Variants in IGF2BP2 observed in about 807,000 individuals in gnomAD.
IGF2BP2 encodes the protein insulin-like growth factor 2 mRNA-binding protein 2.
In IGF2BP2, 17 loss-of-function variants were observed where a neutral mutation model predicts 75.8. The observed-to-expected ratio is 0.22, with a 90% confidence interval of 0.15 to 0.34. IGF2BP2 has a LOEUF of 0.34. Ranked by LOEUF, IGF2BP2 falls within the 10% of genes least tolerant of loss-of-function variation. The pLI is 1.00. For missense variants in IGF2BP2, 516 were observed against 772.4 expected, an observed-to-expected ratio of 0.67 and a Z score of 3.93; for synonymous variants, 288 against 295.6, an observed-to-expected ratio of 0.97 and a Z score of 0.26.
At chr3:185,784,651 C>T (rs1049859116) in intron 2 of IGF2BP2, among the ~76,000 whole-genome samples, 8 of 152,332 alleles carry the variant, frequency 5.3e-5, no homozygotes, top group East Asian at 3.9e-4. Flanking sequence ...AACCCTGCAA[C>T]GGCAGCAAAA....
chr3:185,797,511 A>C (rs926108872), intron 2 of IGF2BP2, among the ~76,000 whole-genome samples: 1 of 152,254 alleles, frequency 6.6e-6, no homozygotes, highest in Non-Finnish European at 1.5e-5. Context: ...AGTTAAGAGC[A>C]GAGTTTGCTG....
intron 2 of IGF2BP2, among the ~76,000 whole-genome samples, chr3:185,748,702 A>G (rs1730580071): frequency 6.6e-6 from 1 of 152,244 alleles, no homozygotes; most frequent in African/African-American, 2.4e-5. Context: ...CTGTCCCCAC[A>G]GCATTCAAAA....
At chr3:185,665,932 A>G (rs1314097167) in intron 10 of IGF2BP2, among the ~76,000 whole-genome samples, 1 of 152,150 alleles carries the variant, frequency 6.6e-6, no homozygotes, top group Admixed American at 6.5e-5. Flanking sequence ...GCACCAGTGC[A>G]CTTTAGCCTG....
At position 185,750,267 on chromosome 3, in the gene IGF2BP2, T is replaced by C. The variant is rs764038823; in HGVS notation, c.240-51920A>G. 1.6e-4 allele frequency among the ~76,000 whole-genome samples: 24 copies of C among 152,172 alleles called. 1 individual carries two copies. The highest frequency in any genetic ancestry group is 3.4e-4 in the Non-Finnish European group (23 of 68,012). ...CCCTCCAAGGCACTGGAAAGCCGCA[T>C]TGTGAAAGGATCCTTCAGGAAATGC... is the stretch of plus-strand genomic sequence containing the variant. On this transcript the variant is annotated intron_variant, in intron 2 of 15. Coordinates refer to ENST00000382199, the MANE Select transcript of IGF2BP2 (RefSeq NM_006548.6).
At chr3:185,713,280 G>A in intron 2 of IGF2BP2, 1 of 380,900 alleles carries the variant, frequency 2.6e-6, no homozygotes, top group East Asian at 7.2e-5. Context: ...GTAATATAGG[G>A]ATACTCCACT....
chr3:185,719,322 G>A (rs1247215910), intron 2 of IGF2BP2, among the ~76,000 whole-genome samples: 1 of 152,224 alleles, frequency 6.6e-6, no homozygotes, highest in African/African-American at 2.4e-5. Context: ...TTGATGAACA[G>A]TAGTATGAAA....
chr3:185,741,759 A>G (rs1729583695), intron 2 of IGF2BP2, among the ~76,000 whole-genome samples: 1 of 152,246 alleles, frequency 6.6e-6, no homozygotes, highest in Non-Finnish European at 1.5e-5. Context: ...TAGACCCACC[A>G]TGAGTGGGAG....
chr3:185,818,510 G>C (rs1008452149), intron 2 of IGF2BP2, among the ~76,000 whole-genome samples: 1 of 152,168 alleles, frequency 6.6e-6, no homozygotes, highest in African/African-American at 2.4e-5. Flanking sequence ...CAGAGCAACT[G>C]TTGTTCAATT....
At chr3:185,692,608 T>A in intron 5 of IGF2BP2, 91 bp downstream of exon 5, 1 of 1,203,864 alleles carries the variant, frequency 8.3e-7, no homozygotes, top group Non-Finnish European at 1.2e-6. Context: ...GATCTGCATC[T>A]TTTTAGAAAA....
intron 2 of IGF2BP2, among the ~76,000 whole-genome samples, chr3:185,766,226 A>G (rs993123469): frequency 2.0e-5 from 3 of 152,250 alleles, no homozygotes; most frequent in Non-Finnish European, 4.4e-5. Flanking sequence ...AAAACTATTT[A>G]GACAATATCA....
chr3:185,646,229 G>A (rs951249345), intron 15 of IGF2BP2, among the ~76,000 whole-genome samples: 1 of 152,294 alleles, frequency 6.6e-6, no homozygotes, highest in South Asian at 2.1e-4. Context: ...GACTCTGACT[G>A]CAGAAGACTC....
intron 2 of IGF2BP2, among the ~76,000 whole-genome samples, chr3:185,819,089 T>TAATATTTGTAGAGA (rs1254027516): frequency 6.6e-6 from 1 of 152,140 alleles, no homozygotes; most frequent in African/African-American, 2.4e-5. Context: ...TAATATCCTC[T>TAATATTTGTAGAGA]CATCTTCTGT....
At chr3:185,703,974 A>C (rs1723662743) in intron 2 of IGF2BP2, among the ~76,000 whole-genome samples, 8 of 152,144 alleles carry the variant, frequency 5.3e-5, no homozygotes. Flanking sequence ...AGCTTGTAGG[A>C]TTCCAGCTTC....
chr3:185,673,837 G>A (rs1473054990), intron 9 of IGF2BP2, among the ~76,000 whole-genome samples: 1 of 152,224 alleles, frequency 6.6e-6, no homozygotes, highest in Non-Finnish European at 1.5e-5. Context: ...ATGAACCTAA[G>A]TGGTAAGCTC....
intron 10 of IGF2BP2, among the ~76,000 whole-genome samples, chr3:185,668,698 G>A (rs1007387725): frequency 2.0e-5 from 3 of 151,524 alleles, no homozygotes; most frequent in Admixed American, 6.6e-5. Flanking sequence ...AATATCTGTT[G>A]AAAATATTTA....
intron 2 of IGF2BP2, among the ~76,000 whole-genome samples, chr3:185,822,529 G>C (rs991956395): frequency 1.3e-5 from 2 of 152,030 alleles, no homozygotes; most frequent in South Asian, 4.1e-4. Flanking sequence ...TTTCACAAGG[G>C]TATTTATTTT....
chr3:185,759,575 A>G (rs2149685330), intron 2 of IGF2BP2, among the ~76,000 whole-genome samples: 1 of 152,342 alleles, frequency 6.6e-6, no homozygotes, highest in South Asian at 2.1e-4. Flanking sequence ...CCTTTCTGTT[A>G]AGAGTGGCAA....
intron 8 of IGF2BP2, 101 bp downstream of exon 8, chr3:185,675,690 T>TC: frequency 1.4e-6 from 2 of 1,407,792 alleles, no homozygotes; most frequent in Non-Finnish European, 9.7e-7. Context: ...TCACTTATGA[T>TC]TATATTCCCA....
chr3:185,677,025 A>ATATATATATATAT lies in IGF2BP2; in HGVS notation c.813-1113_813-1112insATATATATATATA, dbSNP rs1223557818. Among the ~76,000 whole-genome samples the ATATATATATATAT allele has an allele frequency of 1.3e-4, 14 of 111,404 alleles. 1 individual carries two copies. The East Asian group carries it at 2.1e-3, about 17-fold the overall frequency. The allele number at this position is 111,404 out of a possible 152,430, so 73.1% of individuals were successfully genotyped here. Reference sequence around the variant, plus strand: ...ATGGAGAGATTATATATATGGAGAGAGATATATATATATATGGAGATATAT... The same window carrying ATATATATATATAT: ...ATGGAGAGATTATATATATGGAGAGATATATATATATATGATATATATATATATGGAGATATAT... On this transcript the variant is annotated intron_variant, in intron 7 of 15. Transcript: ENST00000382199.
Sources: gnomAD v4.1 joint callset for allele counts (sites outside exome capture counted in the v4.1 genomes callset) on GRCh38, gnomAD v4.1.1 for gene constraint, MANE v1.5 for transcripts, NCBI Gene and HGNC (gene_info 2026-07-23, HGNC 2026-07-21) for gene names.